Variants in SBNO1 observed in about 807,000 individuals in gnomAD.
SBNO1 encodes strawberry notch homolog 1.
In SBNO1, 23 loss-of-function variants were observed where a neutral mutation model predicts 173.6. The ratio of observed to expected loss-of-function variants is 0.13; its 90% confidence interval spans 0.10 to 0.19. The LOEUF is 0.19. Ranked by LOEUF, SBNO1 falls within the 10% of genes least tolerant of loss-of-function variation. The pLI is 1.00. For synonymous variants in SBNO1, 632 were observed against 571.5 expected (o/e 1.11, Z -1.51); for missense variants, 1,238 against 1,671.2 (o/e 0.74, Z 4.52).
intron 14 of SBNO1, 51 bp downstream of exon 14, chr12:123,326,101 G>A (rs1870588475): frequency 1.6e-6 from 2 of 1,256,828 alleles, no homozygotes; most frequent in Admixed American, 2.9e-5. Context: ...CACCCACAAA[G>A]ACTAAACAAC....
rs756860451 is a variant in SBNO1, at chr12:123,327,710, C to T, written c.1535G>A (p.Arg512Gln). ...TATATACCGTAAACTGCATTACCTC[C>T]GTTCTACTGCTTGAATAAAATCACT... ...EFSDFIQAVE[R>Q]RGVGAMEIVA... is the part of the protein sequence containing the mutation. The change falls in exon 12 of 32, where the codon CGG becomes CAG. Residue 512 changes from arginine to glutamine, a missense_variant. Arg to Gln is a conservative substitution (Grantham distance 43, BLOSUM62 1). Coordinates refer to ENST00000602398, the MANE Select transcript of SBNO1 (RefSeq NM_001167856.3). The T allele has an allele frequency of 3.1e-6, 5 of 1,610,530 alleles. No individual in the cohort carries two copies. The East Asian group carries it at 6.7e-5, about 22-fold the overall frequency.
chr12:123,327,147 C>G (rs754960420), intron 13 of SBNO1, among the ~76,000 whole-genome samples: 26 of 152,078 alleles, frequency 1.7e-4, no homozygotes, highest in Non-Finnish European at 3.2e-4. Flanking sequence ...GCTGGCACTA[C>G]AGGCGCACAC....
Position 123,309,420 on chromosome 12 carries a change from A to G in SBNO1, c.3538-18T>C, listed in dbSNP as rs1373587918. 6 of 1,609,338 alleles carry G rather than the reference A, an allele frequency of 3.7e-6. No homozygotes were observed. In the Admixed American group the frequency reaches 8.3e-5, roughly 22 times the overall value. ...ACACTAATCTGTAAGAGAAACAACGAAATTTAAACTCATTTCTGTAAATGC... is the reference window on the plus strand; with the variant it reads ...ACACTAATCTGTAAGAGAAACAACGGAATTTAAACTCATTTCTGTAAATGC... On this transcript the variant is annotated intron_variant, in intron 27 of 31. Coordinates refer to ENST00000602398, the MANE Select transcript of SBNO1 (RefSeq NM_001167856.3).
In SBNO1 at chr12:123,299,208, A is replaced by G. The variant is rs546910777; in HGVS notation, c.3846-1037T>C. 7.2e-5 allele frequency among the ~76,000 whole-genome samples: 11 copies of G among 152,272 alleles called. No homozygotes were observed. In the South Asian group the frequency reaches 2.1e-3, roughly 29 times the overall value. ...ACGGTGAAACCCTGTCTCTATTAAA[A>G]ATACAAAAAATTAGCCAGGAGTGGT... is the stretch of plus-strand genomic sequence containing the variant. On this transcript the variant is annotated intron_variant, in intron 30 of 31. Coordinates refer to ENST00000602398, the MANE Select transcript of SBNO1 (RefSeq NM_001167856.3).
Position 123,295,625 on chromosome 12 carries a change from G to T in SBNO1, c.*283C>A. 1 of 341,800 alleles carries T rather than the reference G, an allele frequency of 2.9e-6. No homozygotes were observed. The highest frequency in any genetic ancestry group is 5.5e-6 in the Non-Finnish European group (1 of 181,896). 21.2% of individuals were successfully genotyped at this position (341,800 alleles called of 1,614,324 possible). A position where few individuals can be genotyped will look rare whatever the true frequency, so the allele number is the denominator to read the frequency against. Reference sequence around the variant, plus strand: ...GTAGCCTTTAACACACTCACAAACAGACTGACACACACGCACACACACATC... The same window carrying T: ...GTAGCCTTTAACACACTCACAAACATACTGACACACACGCACACACACATC... On this transcript the variant is annotated 3_prime_UTR_variant, in exon 32 of 32. Coordinates refer to ENST00000602398, the MANE Select transcript of SBNO1 (RefSeq NM_001167856.3).
intron 20 of SBNO1, among the ~76,000 whole-genome samples, chr12:123,318,762 TGG>T (rs2138958238): frequency 6.7e-6 from 1 of 149,552 alleles, no homozygotes; most frequent in African/African-American, 2.4e-5. Context: ...AAAGAGTCTC[TGG>T]AGGCACCCAA....
chr12:123,310,033 C>A lies in SBNO1; in HGVS notation c.3296-177G>T, dbSNP rs1303413951. 5.9e-5 allele frequency among the ~76,000 whole-genome samples: 9 copies of A among 152,176 alleles called. 1 individual carries two copies. The highest frequency in any genetic ancestry group is 2.2e-4 in the African/African-American group (9 of 41,442). Reference sequence around the variant, plus strand: ...CTCTCTCTAGCAATTAGCACCACTGCAGGACACGCTCAAAAGAGGTTTGTC... The same window carrying A: ...CTCTCTCTAGCAATTAGCACCACTGAAGGACACGCTCAAAAGAGGTTTGTC... On this transcript the variant is annotated intron_variant, in intron 25 of 31. Transcript: ENST00000602398.
At chr12:123,362,517 G>T (rs1436264399) in intron 1 of SBNO1, among the ~76,000 whole-genome samples, 2 of 144,868 alleles carry the variant, frequency 1.4e-5, no homozygotes, top group African/African-American at 5.1e-5. Context: ...TGTAATTCCA[G>T]CACTCCGGGA....
chr12:123,346,232 A>G (rs1333066421), intron 3 of SBNO1, among the ~76,000 whole-genome samples: 1 of 151,908 alleles, frequency 6.6e-6, no homozygotes, highest in Non-Finnish European at 1.5e-5. Context: ...AAATAGCAAG[A>G]CCCCTCCCAC....
At chr12:123,302,487 G>A (rs572036050) in intron 30 of SBNO1, among the ~76,000 whole-genome samples, 3 of 143,452 alleles carry the variant, frequency 2.1e-5, no homozygotes, top group Non-Finnish European at 4.6e-5. Context: ...CAGGTGATCC[G>A]CCCACCTCAG....
Position 123,294,005 on chromosome 12 carries a change from G to A in SBNO1, c.*1903C>T, listed in dbSNP as rs991844445. 3.9e-5 allele frequency: 6 copies of A among 152,276 alleles called. No homozygotes were observed. The highest frequency in any genetic ancestry group is 1.4e-4 in the African/African-American group (6 of 41,448). 9.4% of individuals were successfully genotyped at this position (152,276 alleles called of 1,614,324 possible). ...GCTGAGAAGTTCTGCTGAAGGTGGG[G>A]AGAGTGCTGCTCTTGGCTGCCAGCC... is the stretch of plus-strand genomic sequence containing the variant. On this transcript the variant is annotated 3_prime_UTR_variant, in exon 32 of 32. Coordinates refer to ENST00000602398, the MANE Select transcript of SBNO1 (RefSeq NM_001167856.3).
At chr12:123,354,501 G>C (rs1443046059) in intron 1 of SBNO1, among the ~76,000 whole-genome samples, 1 of 152,048 alleles carries the variant, frequency 6.6e-6, no homozygotes, top group Non-Finnish European at 1.5e-5. Flanking sequence ...GGAGGGAAAG[G>C]GGACAGAGAG....
chr12:123,304,441 G>C, intron 29 of SBNO1, 141 bp downstream of exon 29: 2 of 602,816 alleles, frequency 3.3e-6, no homozygotes, highest in East Asian at 3.3e-5. Flanking sequence ...TCTCCATGTT[G>C]GTCAGGCTGG....
At chr12:123,312,338 C>T (rs552960252) in intron 24 of SBNO1, among the ~76,000 whole-genome samples, 1 of 152,202 alleles carries the variant, frequency 6.6e-6, no homozygotes, top group East Asian at 1.9e-4. Flanking sequence ...TGATGAACAC[C>T]TCTAACTGGT....
At chr12:123,296,555 G>GTTTTTTTTTTTTTTTTTTTTTT (rs35125710) in intron 31 of SBNO1, among the ~76,000 whole-genome samples, 2 of 140,426 alleles carry the variant, frequency 1.4e-5, no homozygotes. Context: ...ATATATATGT[G>GTTTTTTTTTTTTTTTTTTTTTT]TTTTTTTTTT....
chr12:123,320,772 T>G lies in SBNO1; in HGVS notation c.2418A>C (p.Ala806=), dbSNP rs1326075450. The G allele has an allele frequency of 6.2e-7, 1 of 1,612,190 alleles. No individual in the cohort carries two copies. The highest frequency in any genetic ancestry group is 8.5e-7 in the Non-Finnish European group (1 of 1,179,112). The change falls in exon 18 of 32, where the codon GCA becomes GCC. Residue 806 remains alanine (A), a synonymous_variant. Transcript: ENST00000602398. The stretch of plus-strand genomic sequence containing the variant: ...TAGGTCGTTTTGATCCAAGACCTGA[T>G]GCTAATAAGGCACTTTGAATAGAAT... ...DPDSIQSALL[A]SGLGSKRPSF... is the part of the protein sequence containing the mutation.
At chr12:123,325,920 C>T (rs1870560813) in intron 14 of SBNO1, among the ~76,000 whole-genome samples, 1 of 152,152 alleles carries the variant, frequency 6.6e-6, no homozygotes, top group African/African-American at 2.4e-5. Context: ...CCATATGTTA[C>T]CAGTGCTACC....
rs955201419 is a variant in SBNO1, at chr12:123,293,626, A to T, written c.*2282T>A. ...GGCCTTTTTAATGAGAAAAAAAAAT[A>T]GCTGTTCTACAAAGAACCTAAGATA... is the stretch of plus-strand genomic sequence containing the variant. On this transcript the variant is annotated 3_prime_UTR_variant, in exon 32 of 32. Coordinates refer to ENST00000602398, the MANE Select transcript of SBNO1 (RefSeq NM_001167856.3). The T allele has an allele frequency of 2.0e-5, 3 of 152,172 alleles. No individual in the cohort carries two copies. Among genetic ancestry groups the T allele is most frequent in the African/African-American group, 7.2e-5 (3 of 41,416 alleles). The allele number at this position is 152,172 out of a possible 1,614,324, so 9.4% of individuals were successfully genotyped here.
intron 14 of SBNO1, 90 bp downstream of exon 14, chr12:123,326,062 A>G: frequency 1.1e-6 from 1 of 899,006 alleles, no homozygotes. Flanking sequence ...CCTTTAGGAA[A>G]ACCAGATTTT....
Sources: allele counts gnomAD v4.1 joint callset (sites outside exome capture counted in the v4.1 genomes callset), GRCh38; gene constraint gnomAD v4.1.1; transcripts MANE v1.5; gene names NCBI Gene and HGNC (gene_info 2026-07-23, HGNC 2026-07-21).